CA10: variants seen among roughly 807,000 people sequenced by gnomAD.
CA10 encodes carbonic anhydrase-related protein 10.
In CA10, 14 loss-of-function variants were observed where a neutral mutation model predicts 44.2. The ratio of observed to expected loss-of-function variants is 0.32; its 90% CI spans 0.21 to 0.50. The LOEUF (loss-of-function observed/expected upper bound fraction) is 0.50. Ranked by LOEUF, CA10 falls within the 20% of genes least tolerant of loss-of-function variation. The pLI, the probability that CA10 is intolerant of heterozygous loss-of-function variation, is 0.99. For synonymous variants in CA10, 159 were observed against 141.6 expected (o/e 1.12, Z -0.87); for missense variants, 350 against 409.7 (o/e 0.85, Z 1.26).
At chr17:51,766,801 A>C (rs939841499) in intron 3 of CA10, among the ~76,000 whole-genome samples, 12 of 152,244 alleles carry the variant, frequency 7.9e-5, no homozygotes, top group Admixed American at 2.0e-4. Context: ...TTGTGAAAAG[A>C]AAAATTTTCC....
chr17:51,841,877 A>G (rs1453808655), intron 3 of CA10, among the ~76,000 whole-genome samples: 2 of 152,196 alleles, frequency 1.3e-5, no homozygotes, highest in East Asian at 3.9e-4. Flanking sequence ...GTTTTGCTTC[A>G]TCAGCAGTTC....
chr17:52,116,318 A>G (rs1988895119), intron 1 of CA10, among the ~76,000 whole-genome samples: 1 of 152,120 alleles, frequency 6.6e-6, no homozygotes, highest in African/African-American at 2.4e-5. Context: ...CCCTTGTTGG[A>G]GGGGAACTTG....
At chr17:52,137,813 A>G (rs921506652) in intron 1 of CA10, among the ~76,000 whole-genome samples, 2 of 152,220 alleles carry the variant, frequency 1.3e-5, no homozygotes, top group African/African-American at 4.8e-5. Flanking sequence ...TAGCTTTAGG[A>G]ATCTATTAGA....
chr17:51,758,093 T>C (rs1905125027), intron 3 of CA10, among the ~76,000 whole-genome samples: 1 of 152,158 alleles, frequency 6.6e-6, no homozygotes, highest in Non-Finnish European at 1.5e-5. Context: ...GTGGGTTTTT[T>C]TCCCTTAGTA....
chr17:51,665,778 T>C (rs1914184116), intron 4 of CA10, among the ~76,000 whole-genome samples: 1 of 152,234 alleles, frequency 6.6e-6, no homozygotes, highest in South Asian at 2.1e-4. Context: ...ATTGTAGTCT[T>C]AGGGGACCAC....
intron 3 of CA10, among the ~76,000 whole-genome samples, chr17:51,780,776 C>T (rs1028897289): frequency 3.9e-5 from 6 of 152,124 alleles, no homozygotes; most frequent in African/African-American, 1.4e-4. Flanking sequence ...AAATGGCACA[C>T]CTGGCAGAAA....
intron 1 of CA10, among the ~76,000 whole-genome samples, chr17:52,109,073 C>T (rs1345640776): frequency 6.6e-6 from 1 of 152,066 alleles, no homozygotes; most frequent in Non-Finnish European, 1.5e-5. Flanking sequence ...ATAATAAAGC[C>T]ATCAATTCTC....
At chr17:51,658,839 T>C (rs138367023) in intron 4 of CA10, among the ~76,000 whole-genome samples, 143 of 152,296 alleles carry the variant, frequency 9.4e-4, no homozygotes, top group Non-Finnish European at 1.8e-3. Flanking sequence ...CAGCTGGGAT[T>C]GTGCCCAATT....
chr17:52,024,936 G>A (rs901341514), intron 2 of CA10, among the ~76,000 whole-genome samples: 3 of 151,484 alleles, frequency 2.0e-5, no homozygotes, highest in African/African-American at 7.3e-5. Flanking sequence ...GAAGAAAGAG[G>A]ATATCATATA....
intron 3 of CA10, among the ~76,000 whole-genome samples, chr17:51,849,173 ATACATATATGTATATATATAT>A (rs1259801546): frequency 2.9e-5 from 3 of 102,774 alleles, no homozygotes; most frequent in Non-Finnish European, 6.2e-5. Flanking sequence ...GTATATATAT[ATACATATATGTATATATATAT>A]ATACATATAT....
At chr17:51,913,405 C>T (rs1241063942) in intron 3 of CA10, among the ~76,000 whole-genome samples, 1 of 152,080 alleles carries the variant, frequency 6.6e-6, no homozygotes, top group Non-Finnish European at 1.5e-5. Context: ...TCACCTGGTG[C>T]AGTTCACTCA....
intron 6 of CA10, among the ~76,000 whole-genome samples, chr17:51,646,599 G>A (rs1013105584): frequency 4.6e-5 from 7 of 152,172 alleles, no homozygotes; most frequent in African/African-American, 1.7e-4. Context: ...TTATGGGCCA[G>A]TGCTGGCCTA....
intron 3 of CA10, among the ~76,000 whole-genome samples, chr17:51,860,272 T>C (rs1210064163): frequency 6.6e-6 from 1 of 152,226 alleles, no homozygotes; most frequent in Admixed American, 6.5e-5. Flanking sequence ...CCTCCCTATT[T>C]AGAACCACCC....
chr17:51,776,566 G>A (rs1420589533), intron 3 of CA10, among the ~76,000 whole-genome samples: 1 of 152,000 alleles, frequency 6.6e-6, no homozygotes, highest in Non-Finnish European at 1.5e-5. Flanking sequence ...CCAAAATCCA[G>A]CACATCTCAA....
intron 2 of CA10, among the ~76,000 whole-genome samples, chr17:52,046,828 T>C (rs181883012): frequency 6.6e-6 from 1 of 152,018 alleles, no homozygotes; most frequent in Admixed American, 6.6e-5. Context: ...TATTAAAGAA[T>C]AATATATCAT....
intron 4 of CA10, among the ~76,000 whole-genome samples, chr17:51,731,653 T>TAAA (rs371165542): frequency 0.41 from 44,963 of 108,460 alleles, 9,696 homozygotes; most frequent in East Asian, 0.57. Flanking sequence ...AAGGGGCTGG[T>TAAA]AAAAAAAAAA....
intron 3 of CA10, among the ~76,000 whole-genome samples, chr17:51,756,223 C>G (rs1430105368): frequency 6.6e-6 from 1 of 152,166 alleles, no homozygotes; most frequent in Non-Finnish European, 1.5e-5. Flanking sequence ...TGTACTCAGT[C>G]CCTTTCCATC....
intron 3 of CA10, among the ~76,000 whole-genome samples, chr17:51,874,522 G>T (rs1979964035): frequency 6.6e-6 from 1 of 152,098 alleles, no homozygotes; most frequent in African/African-American, 2.4e-5. Flanking sequence ...GGCGGGCAGA[G>T]TTGATTAGAA....
chr17:51,982,119 C>T (rs1490320863), intron 2 of CA10, among the ~76,000 whole-genome samples: 3 of 151,924 alleles, frequency 2.0e-5, no homozygotes. Flanking sequence ...ACATTTCCTC[C>T]CTCTTCAAAC....
Sources: allele counts gnomAD v4.1 joint callset (sites outside exome capture counted in the v4.1 genomes callset), GRCh38; gene constraint gnomAD v4.1.1; transcripts MANE v1.5; gene names NCBI Gene and HGNC (gene_info 2026-07-23, HGNC 2026-07-21).